The following EFHC2 variants were observed in gnomAD, a reference collection of about 807,000 sequenced individuals.
The protein encoded by EFHC2 is EF-hand domain containing 2.
Under a neutral mutation model 52.7 loss-of-function variants are expected in EFHC2, and 18 were observed. The ratio of observed to expected loss-of-function variants is 0.34; its 90% confidence interval spans 0.24 to 0.51. The LOEUF is 0.51. Among genes scored for constraint, EFHC2 ranks in the 20% least tolerant of loss-of-function variants. EFHC2 has a pLI of 0.97. For synonymous variants in EFHC2, 203 were observed against 204.1 expected (o/e 0.99, Z 0.04); for missense variants, 513 against 562.5 (o/e 0.91, Z 0.89).
rs1171557158 is a variant in EFHC2, at chrX:44,235,435, TTTG to T, written c.1290_1292del (p.Lys431del). On this transcript the variant is annotated inframe_deletion, in exon 9 of 15. Coordinates refer to ENST00000420999, the MANE Select transcript of EFHC2 (RefSeq NM_025184.4). Reference sequence around the variant, plus strand: ...TTGCAAAAAAACGGAGTATATTGCTTTTGGAGCCATAGCTAAATGGAAGAGAAA... The same window carrying T: ...TTGCAAAAAAACGGAGTATATTGCTTGAGCCATAGCTAAATGGAAGAGAAA... The T allele has an allele frequency of 5.9e-6, 7 of 1,190,926 alleles. No individual in the cohort carries two copies.
chrX:44,305,275 A>T (rs780265147), intron 2 of EFHC2, among the ~76,000 whole-genome samples: 80 of 111,414 alleles, frequency 7.2e-4, no homozygotes, highest in Non-Finnish European at 9.4e-4. Context: ...AAAAAATAAT[A>T]AAATAAAACA....
At chrX:44,241,684 A>C (rs913553940) in intron 8 of EFHC2, among the ~76,000 whole-genome samples, 1 of 112,749 alleles carries the variant, frequency 8.9e-6, no homozygotes, top group Admixed American at 9.4e-5. Flanking sequence ...ATTGGAACAC[A>C]GTCACACAAT....
intron 10 of EFHC2, 54 bp downstream of exon 10, chrX:44,232,427 C>T: frequency 2.1e-6 from 2 of 952,502 alleles, no homozygotes; most frequent in Non-Finnish European, 2.7e-6. Context: ...GAAAGAAAAA[C>T]ACAGACTGCG....
intron 1 of EFHC2, among the ~76,000 whole-genome samples, chrX:44,325,282 T>C (rs2038045130): frequency 8.9e-6 from 1 of 111,744 alleles, no homozygotes; most frequent in Admixed American, 9.6e-5. Flanking sequence ...TAAGATGGCA[T>C]GGCAACCTGC....
At chrX:44,169,820 C>T (rs1453357395) in intron 13 of EFHC2, among the ~76,000 whole-genome samples, 1 of 110,683 alleles carries the variant, frequency 9.0e-6, no homozygotes, top group Non-Finnish European at 1.9e-5. Context: ...AAGAGCATTC[C>T]AAAAGAATAA....
chrX:44,218,661 G>A (rs1368343125), intron 11 of EFHC2, among the ~76,000 whole-genome samples: 3 of 112,048 alleles, frequency 2.7e-5, no homozygotes, highest in African/African-American at 6.5e-5. Context: ...TATCCTAGGC[G>A]ACTTTGAGCC....
chrX:44,162,211 C>T (rs1342416400), intron 14 of EFHC2, among the ~76,000 whole-genome samples: 4 of 111,444 alleles, frequency 3.6e-5, no homozygotes, highest in African/African-American at 1.3e-4. Flanking sequence ...TCACTTGAGG[C>T]CGGGAGTTCG....
At chrX:44,307,056 G>T (rs887531296) in intron 2 of EFHC2, among the ~76,000 whole-genome samples, 3 of 110,882 alleles carry the variant, frequency 2.7e-5, no homozygotes, top group Non-Finnish European at 3.8e-5. Flanking sequence ...AGGGGCCAGT[G>T]TAACCTCTCA....
In EFHC2 at chrX:44,248,889, C is replaced by T. The variant is rs751057598; in HGVS notation, c.886G>A (p.Gly296Ser). The T allele has an allele frequency of 4.2e-6, 5 of 1,203,300 alleles. No homozygotes were observed. Among genetic ancestry groups the T allele is most frequent in the Non-Finnish European group, 5.6e-6 (5 of 892,231 alleles). Residue 296 changes from glycine to serine, a missense_variant, in exon 6 of 15, where the codon GGC (glycine) becomes AGC (serine). Transcript: ENST00000420999. The part of the protein sequence containing the change: ...KNCPPRVYQP[G>S]QITDRAVLNS... ...AGAACTGCTCGATCTGTTATCTGGC[C>T]TGGTTGATAGACTCTAGGTGGGCAA...
chrX:44,217,409 G>T (rs1602158015), intron 11 of EFHC2, among the ~76,000 whole-genome samples: 1 of 111,973 alleles, frequency 8.9e-6, no homozygotes, highest in East Asian at 2.8e-4. Context: ...ATATCGAAGA[G>T]ATATCTGCAC....
At chrX:44,317,845 G>A (rs1461317113) in intron 1 of EFHC2, among the ~76,000 whole-genome samples, 3 of 112,704 alleles carry the variant, frequency 2.7e-5, no homozygotes, top group African/African-American at 9.7e-5. Context: ...CATTCACTAG[G>A]GTGGCTATAA....
intron 2 of EFHC2, among the ~76,000 whole-genome samples, chrX:44,299,337 C>T (rs1345289827): frequency 9.0e-6 from 1 of 111,501 alleles, no homozygotes; most frequent in African/African-American, 3.3e-5. Flanking sequence ...ATCGTCAACA[C>T]AGACCTTAAG....
chrX:44,212,574 G>A (rs149964794), intron 11 of EFHC2, among the ~76,000 whole-genome samples: 3,351 of 110,972 alleles, frequency 0.03, 123 homozygotes, highest in African/African-American at 0.1. Flanking sequence ...GGGAGGAACT[G>A]AGGGTACTTC....
Position 44,301,330 on chromosome X carries a change from C to T in EFHC2, c.231+11238G>A, listed in dbSNP as rs932024909. Among the ~76,000 whole-genome samples the T allele has an allele frequency of 2.7e-5, 3 of 109,368 alleles. No individual in the cohort carries two copies. The East Asian group carries it at 8.7e-4, about 32-fold the overall frequency. The allele number at this position is 109,368 out of a possible 115,157, so 95.0% of individuals were successfully genotyped here. A position where few individuals can be genotyped will look rare whatever the true frequency, so the allele number is the denominator to read the frequency against. ...CCCCACTTTCCAACCCACTCCCCCCCCGACCAAATTATACTTAAAAAACCC... is the reference window on the plus strand; with the variant it reads ...CCCCACTTTCCAACCCACTCCCCCCTCGACCAAATTATACTTAAAAAACCC... On this transcript the variant is annotated intron_variant, in intron 2 of 14. Transcript: ENST00000420999.
chrX:44,310,234 T>C (rs2037937060), intron 2 of EFHC2: 4 of 796,192 alleles, frequency 5.0e-6, no homozygotes, highest in African/African-American at 2.6e-5. Context: ...ATGGGGAAGA[T>C]GACAAAGCGG....
chrX:44,326,625 G>C (rs112220312), intron 1 of EFHC2, among the ~76,000 whole-genome samples: 1 of 109,039 alleles, frequency 9.2e-6, no homozygotes, highest in East Asian at 2.9e-4. Context: ...ATTAATAAAT[G>C]AGATATGCAA....
chrX:44,328,629 T>C (rs781642007), intron 1 of EFHC2, among the ~76,000 whole-genome samples: 82 of 112,217 alleles, frequency 7.3e-4, no homozygotes, highest in Non-Finnish European at 1.3e-3. Flanking sequence ...AAGTATCTGA[T>C]TGGCTGCAGA....
intron 11 of EFHC2, among the ~76,000 whole-genome samples, chrX:44,218,164 G>A (rs1383934468): frequency 9.0e-6 from 1 of 111,297 alleles, no homozygotes; most frequent in Non-Finnish European, 1.9e-5. Context: ...CAGTTAATAA[G>A]ATCATTGGTA....
chrX:44,231,237 C>T lies in EFHC2; in HGVS notation c.1620+1244G>A, dbSNP rs1276918766. On this transcript the variant is annotated intron_variant, in intron 10 of 14. Transcript: ENST00000420999. ...GACAGACTCCAGCTGCCATACCTTC[C>T]GGATTCACACAGAGTTCACAGGCAA... 1.2e-4 allele frequency among the ~76,000 whole-genome samples: 13 copies of T among 111,887 alleles called. No homozygotes were observed. The East Asian group carries it at 3.7e-3, about 32-fold the overall frequency.
Sources: allele counts gnomAD v4.1 joint callset (sites outside exome capture counted in the v4.1 genomes callset), GRCh38; gene constraint gnomAD v4.1.1; transcripts MANE v1.5; gene names NCBI Gene and HGNC (gene_info 2026-07-23, HGNC 2026-07-21).